MYRIP: variants seen among roughly 807,000 people sequenced by gnomAD.
MYRIP encodes myosin VIIA and Rab interacting protein.
Under a neutral mutation model 98.0 loss-of-function variants are expected in MYRIP, and 49 were observed. The ratio of observed to expected loss-of-function variants is 0.50; its 90% CI spans 0.40 to 0.63. The LOEUF (loss-of-function observed/expected upper bound fraction) is 0.63. MYRIP is among the 30% of genes least tolerant of loss of function. The probability of loss-of-function intolerance (pLI) is 0.00; values close to 1 mark genes in which losing one functional copy is unlikely to be tolerated. For synonymous variants in MYRIP, 404 were observed against 409.5 expected, an observed-to-expected ratio of 0.99 and a Z score of 0.16; for missense variants, 1,004 against 1,058.2, an observed-to-expected ratio of 0.95 and a Z score of 0.71.
At chr3:40,056,240 A>C (rs553242768) in intron 3 of MYRIP, among the ~76,000 whole-genome samples, 2 of 152,280 alleles carry the variant, frequency 1.3e-5, no homozygotes, top group South Asian at 4.1e-4. Flanking sequence ...ACCACCACAC[A>C]TATCTTGTGA....
intron 3 of MYRIP, among the ~76,000 whole-genome samples, chr3:40,058,016 T>C (rs1947917843): frequency 6.6e-6 from 1 of 152,250 alleles, no homozygotes; most frequent in Non-Finnish European, 1.5e-5. Context: ...ATTACTATGA[T>C]GTTTTCATTT....
chr3:40,128,682 A>G lies in MYRIP; in HGVS notation c.333-22366A>G, dbSNP rs928011883. On this transcript the variant is annotated intron_variant, in intron 3 of 16. Transcript: ENST00000302541. ...AGGGACATTCTAAGAGAATGCTTCA[A>G]TTATTGCCATTGGGTACATTTACCC... 8.5e-5 allele frequency among the ~76,000 whole-genome samples: 13 copies of G among 152,244 alleles called. 1 individual carries two copies. The highest frequency in any genetic ancestry group is 3.1e-4 in the African/African-American group (13 of 41,468).
At chr3:39,856,123 G>A (rs1247887797) in intron 1 of MYRIP, among the ~76,000 whole-genome samples, 1 of 152,204 alleles carries the variant, frequency 6.6e-6, no homozygotes, top group Non-Finnish European at 1.5e-5. Context: ...GTGGGGATGT[G>A]TGTTTGGAGG....
intron 2 of MYRIP, among the ~76,000 whole-genome samples, chr3:39,963,776 AT>A (rs1242207246): frequency 6.6e-6 from 1 of 152,136 alleles, no homozygotes; most frequent in African/African-American, 2.4e-5. Flanking sequence ...TAAAAGCAAT[AT>A]TTTTCATGTG....
intron 12 of MYRIP, among the ~76,000 whole-genome samples, chr3:40,243,751 G>A (rs1028635218): frequency 3.3e-5 from 5 of 152,080 alleles, no homozygotes; most frequent in African/African-American, 1.2e-4. Flanking sequence ...ACTTTTATGG[G>A]AATAACCTTA....
chr3:39,998,798 C>A (rs981185865), intron 2 of MYRIP, among the ~76,000 whole-genome samples: 4 of 152,148 alleles, frequency 2.6e-5, no homozygotes, highest in Non-Finnish European at 5.9e-5. Flanking sequence ...CTACAGTAAC[C>A]AAAACAGCAT....
chr3:40,075,410 A>C (rs1455021263), intron 3 of MYRIP, among the ~76,000 whole-genome samples: 1 of 152,228 alleles, frequency 6.6e-6, no homozygotes, highest in Non-Finnish European at 1.5e-5. Context: ...GAAGTACTGA[A>C]GTAGATCCAC....
At chr3:39,975,049 A>G (rs2125750543) in intron 2 of MYRIP, among the ~76,000 whole-genome samples, 1 of 152,312 alleles carries the variant, frequency 6.6e-6, no homozygotes, top group African/African-American at 2.4e-5. Context: ...GGCCAGGGCA[A>G]TCAGGCAGGA....
chr3:40,207,025 T>C (rs1951807607), intron 10 of MYRIP, among the ~76,000 whole-genome samples: 1 of 152,204 alleles, frequency 6.6e-6, no homozygotes, highest in Non-Finnish European at 1.5e-5. Context: ...AAGGTCACCA[T>C]GGCTGAGTTT....
At chr3:39,838,301 A>T (rs1941686912) in intron 1 of MYRIP, among the ~76,000 whole-genome samples, 1 of 152,206 alleles carries the variant, frequency 6.6e-6, no homozygotes, top group Admixed American at 6.5e-5. Flanking sequence ...TTCAAAGGGA[A>T]TGCTTCCAGC....
intron 3 of MYRIP, among the ~76,000 whole-genome samples, chr3:40,129,625 A>G (rs1416774245): frequency 6.6e-6 from 1 of 152,054 alleles, no homozygotes; most frequent in Non-Finnish European, 1.5e-5. Context: ...CCACGCTGCT[A>G]GTCTGAGAAC....
intron 4 of MYRIP, among the ~76,000 whole-genome samples, chr3:40,151,663 C>T (rs1029624305): frequency 1.4e-4 from 21 of 152,164 alleles, no homozygotes; most frequent in African/African-American, 4.6e-4. Context: ...TCCCAGGAAA[C>T]TTGAAGGATG....
chr3:39,916,316 T>C (rs1351987135), intron 2 of MYRIP, among the ~76,000 whole-genome samples: 1 of 151,924 alleles, frequency 6.6e-6, no homozygotes, highest in East Asian at 1.9e-4. Flanking sequence ...GACAGCTCAA[T>C]TCAAGATGAT....
chr3:40,168,883 C>A (rs1348389931), intron 7 of MYRIP, among the ~76,000 whole-genome samples: 1 of 152,162 alleles, frequency 6.6e-6, no homozygotes, highest in Non-Finnish European at 1.5e-5. Context: ...TAGAAAGTGC[C>A]GTATGCAGGA....
chr3:39,902,483 C>T (rs1432848041), intron 2 of MYRIP, among the ~76,000 whole-genome samples: 1 of 152,140 alleles, frequency 6.6e-6, no homozygotes, highest in Admixed American at 6.5e-5. Context: ...TGGAAAGAAC[C>T]ATGTCTTGAT....
At chr3:40,257,857 A>C (rs188651424) in intron 16 of MYRIP, among the ~76,000 whole-genome samples, 1 of 152,348 alleles carries the variant, frequency 6.6e-6, no homozygotes, top group Admixed American at 6.5e-5. Context: ...TGGATTATTA[A>C]ACAAGAACAC....
intron 1 of MYRIP, among the ~76,000 whole-genome samples, chr3:39,892,934 C>T (rs1162242833): frequency 6.6e-6 from 1 of 152,164 alleles, no homozygotes; most frequent in Non-Finnish European, 1.5e-5. Context: ...CTTTTTGTCA[C>T]CTGGCAAAAC....
intron 3 of MYRIP, among the ~76,000 whole-genome samples, chr3:40,052,477 T>C (rs547302827): frequency 5.1e-4 from 77 of 152,248 alleles, no homozygotes; most frequent in African/African-American, 1.7e-3. Flanking sequence ...TTAACAAATA[T>C]ATGGGGAAAT....
intron 3 of MYRIP, among the ~76,000 whole-genome samples, chr3:40,120,924 T>C (rs912264291): frequency 6.6e-6 from 1 of 152,212 alleles, no homozygotes; most frequent in Non-Finnish European, 1.5e-5. Flanking sequence ...AATGAAACCA[T>C]TTCATTCCCC....
Sources: allele counts gnomAD v4.1 joint callset (sites outside exome capture counted in the v4.1 genomes callset), GRCh38; gene constraint gnomAD v4.1.1; transcripts MANE v1.5; gene names NCBI Gene and HGNC (gene_info 2026-07-23, HGNC 2026-07-21).